The following XPO4 variants were observed in gnomAD, a reference collection of about 807,000 sequenced individuals.
XPO4 encodes the protein exportin 4.
In XPO4, 39 loss-of-function variants were observed where a neutral mutation model predicts 143.0. That is an observed-to-expected ratio of 0.27 (90% CI 0.21 to 0.36). The LOEUF (loss-of-function observed/expected upper bound fraction) is 0.36. Among genes scored for constraint, XPO4 ranks in the 10% least tolerant of loss-of-function variants. The pLI, the probability that XPO4 is intolerant of heterozygous loss-of-function variation, is 1.00. For missense variants in XPO4, 907 were observed against 1,348.0 expected, an observed-to-expected ratio of 0.67 and a Z score of 5.12; for synonymous variants, 439 against 474.0, an observed-to-expected ratio of 0.93 and a Z score of 0.96.
At chr13:20,844,664 C>A (rs939496033) in intron 4 of XPO4, among the ~76,000 whole-genome samples, 1 of 152,224 alleles carries the variant, frequency 6.6e-6, no homozygotes, top group Non-Finnish European at 1.5e-5. Flanking sequence ...ACCCACCCAC[C>A]AACTGCAACA....
At position 20,800,796 on chromosome 13, in the gene XPO4, A is replaced by G. The variant is rs772380579; in HGVS notation, c.1977+35T>C. The G allele has an allele frequency of 1.1e-5, 17 of 1,602,884 alleles. No individual in the cohort carries two copies. The East Asian group carries it at 3.6e-4, about 34-fold the overall frequency. ...CTGCTTCTATAACTGCTATCATCAT[A>G]AATCCAAATGAAGTTTTAAGTTTTA... is the stretch of plus-strand genomic sequence containing the variant. On this transcript the variant is annotated intron_variant, in intron 14 of 22. Transcript: ENST00000255305.
chr13:20,781,676 A>G lies in XPO4; in HGVS notation c.*2046T>C, dbSNP rs955507817. ...CCTTTCCCACTCCTCTTTAGTTTTAATAACTTGATTATAGTTTTGTCATGG... is the reference window on the plus strand; with the variant it reads ...CCTTTCCCACTCCTCTTTAGTTTTAGTAACTTGATTATAGTTTTGTCATGG... On this transcript the variant is annotated 3_prime_UTR_variant, in exon 23 of 23. Coordinates refer to ENST00000255305, the MANE Select transcript of XPO4 (RefSeq NM_022459.5). 6.6e-6 allele frequency: 1 copy of G among 152,186 alleles called. No individual in the cohort carries two copies. Among genetic ancestry groups the G allele is most frequent in the East Asian group, 1.9e-4 (1 of 5,202 alleles). 9.4% of individuals were successfully genotyped at this position (152,186 alleles called of 1,614,324 possible).
At chr13:20,899,336 G>C (rs2060598098) in intron 1 of XPO4, among the ~76,000 whole-genome samples, 1 of 147,622 alleles carries the variant, frequency 6.8e-6, no homozygotes, top group Non-Finnish European at 1.5e-5. Context: ...ACATGGTTGA[G>C]TAAAAAAAGT....
At chr13:20,859,928 T>A in intron 3 of XPO4, 2 of 860,810 alleles carry the variant, frequency 2.3e-6, no homozygotes, top group Non-Finnish European at 2.8e-6. Context: ...GGTTCTCAGG[T>A]TGGGGAATGG....
intron 4 of XPO4, among the ~76,000 whole-genome samples, chr13:20,854,867 G>A (rs865964070): frequency 2.0e-4 from 31 of 152,278 alleles, no homozygotes; most frequent in African/African-American, 5.8e-4. Context: ...AATTTGTTCA[G>A]TTGACAGTAA....
chr13:20,850,067 A>G (rs893595815), intron 4 of XPO4: 7 of 958,440 alleles, frequency 7.3e-6, no homozygotes, highest in Middle Eastern at 5.3e-4. Flanking sequence ...GTTCATGCCA[A>G]TGCACTCCAG....
rs2059160370 is a variant in XPO4, at chr13:20,783,115, A to G, written c.*607T>C. On this transcript the variant is annotated 3_prime_UTR_variant, in exon 23 of 23. Coordinates refer to ENST00000255305, the MANE Select transcript of XPO4 (RefSeq NM_022459.5). Reference sequence around the variant, plus strand: ...TAAAACCCAATCATCAAAGGGAGGAAAAGCTAGAAAGCACAAAACCTCTTA... The same window carrying G: ...TAAAACCCAATCATCAAAGGGAGGAGAAGCTAGAAAGCACAAAACCTCTTA... 6.6e-6 allele frequency: 1 copy of G among 152,384 alleles called. No homozygotes were observed. Among genetic ancestry groups the G allele is most frequent in the Non-Finnish European group, 1.5e-5 (1 of 68,060 alleles). The allele number at this position is 152,384 out of a possible 1,614,324, so 9.4% of individuals were successfully genotyped here. A position where few individuals can be genotyped will look rare whatever the true frequency, so the allele number is the denominator to read the frequency against.
In XPO4 at chr13:20,778,143, T is replaced by G. The variant is rs1470195926; in HGVS notation, c.*5579A>C. On this transcript the variant is annotated 3_prime_UTR_variant, in exon 23 of 23. Coordinates refer to ENST00000255305, the MANE Select transcript of XPO4 (RefSeq NM_022459.5). ...GTCTTTTAAAAAACAGTTATAGATG[T>G]GTATTTATTTGGGACCTTTGAAATC... 6.6e-6 allele frequency: 1 copy of G among 152,230 alleles called. No individual in the cohort carries two copies. Among genetic ancestry groups the G allele is most frequent in the Non-Finnish European group, 1.5e-5 (1 of 68,040 alleles). 9.4% of individuals were successfully genotyped at this position (152,230 alleles called of 1,614,324 possible). A position where few individuals can be genotyped will look rare whatever the true frequency, so the allele number is the denominator to read the frequency against.
intron 6 of XPO4, among the ~76,000 whole-genome samples, chr13:20,828,235 G>GTC (rs2059809612): frequency 6.6e-6 from 1 of 152,086 alleles, no homozygotes; most frequent in Non-Finnish European, 1.5e-5. Context: ...GAGAGGCTCT[G>GTC]TCTCAAAACA....
intron 20 of XPO4, 102 bp downstream of exon 20, chr13:20,788,383 AC>A (rs2059235328): frequency 2.0e-6 from 3 of 1,466,510 alleles, no homozygotes; most frequent in Non-Finnish European, 2.8e-6. Flanking sequence ...ATAAAATTGA[AC>A]CATAAAAGAA....
chr13:20,818,189 T>C (rs1254864951), intron 9 of XPO4, among the ~76,000 whole-genome samples: 1 of 152,184 alleles, frequency 6.6e-6, no homozygotes, highest in Non-Finnish European at 1.5e-5. Flanking sequence ...ATGAAAAAAT[T>C]CTTATCTCCA....
In XPO4 at chr13:20,796,911, G is replaced by A. The variant is rs372156420; in HGVS notation, c.2469C>T (p.Asn823=). 20 of 1,614,008 alleles carry A rather than the reference G, an allele frequency of 1.2e-5. No homozygotes were observed. In the African/African-American group the frequency reaches 1.5e-4, roughly 12 times the overall value. ...TTAAAAAATTAAACAGGATTGCTAC[G>A]TTGTCAATCTGGGTAGCCTCAGCAA... ...CGIAEATQID[N]VAILFNFLMD... The change falls in exon 17 of 23, where the codon AAC becomes AAT. Residue 823 remains asparagine (N), a synonymous_variant. Transcript: ENST00000255305.
At chr13:20,900,837 C>T (rs1272209992) in intron 1 of XPO4, among the ~76,000 whole-genome samples, 1 of 152,060 alleles carries the variant, frequency 6.6e-6, no homozygotes, top group Admixed American at 6.6e-5. Context: ...GTCTTGGGCT[C>T]CTAATCTTTA....
intron 18 of XPO4, among the ~76,000 whole-genome samples, chr13:20,793,609 T>C (rs948392092): frequency 7.9e-5 from 12 of 152,046 alleles, no homozygotes; most frequent in African/African-American, 2.9e-4. Flanking sequence ...GCTGGAGTGC[T>C]GTAGCACAAT....
intron 2 of XPO4, among the ~76,000 whole-genome samples, chr13:20,864,757 C>G (rs912326584): frequency 6.6e-6 from 1 of 151,790 alleles, no homozygotes; most frequent in East Asian, 1.9e-4. Context: ...GATGAATATT[C>G]AAAATTTTCA....
intron 7 of XPO4, among the ~76,000 whole-genome samples, chr13:20,823,711 G>A (rs1201720442): frequency 2.0e-5 from 3 of 152,094 alleles, no homozygotes; most frequent in African/African-American, 7.2e-5. Context: ...GAGTGCAATG[G>A]TGCAATCTCA....
chr13:20,790,676 G>T, intron 18 of XPO4, 96 bp from the exon 19 acceptor site: 2 of 932,282 alleles, frequency 2.1e-6, no homozygotes, highest in Non-Finnish European at 3.3e-6. Flanking sequence ...ACCCCTAGAG[G>T]CTAAATAAAT....
At chr13:20,849,526 C>G (rs931378134) in intron 4 of XPO4, 27 of 985,186 alleles carry the variant, frequency 2.7e-5, no homozygotes, top group Non-Finnish European at 3.1e-5. Flanking sequence ...GTTTCCATAT[C>G]CCTCCCAAAT....
intron 18 of XPO4, among the ~76,000 whole-genome samples, chr13:20,793,318 C>T (rs2059311007): frequency 6.6e-6 from 1 of 151,866 alleles, no homozygotes; most frequent in African/African-American, 2.4e-5. Flanking sequence ...TTCTTTTTAC[C>T]CCTATTTTGT....
Sources: gnomAD v4.1 joint callset for allele counts (sites outside exome capture counted in the v4.1 genomes callset) on GRCh38, gnomAD v4.1.1 for gene constraint, MANE v1.5 for transcripts, NCBI Gene and HGNC (gene_info 2026-07-23, HGNC 2026-07-21) for gene names.